The following ZFPM2 variants were observed in gnomAD, a reference collection of about 807,000 sequenced individuals.
ZFPM2 encodes zinc finger protein ZFPM2.
ZFPM2 carries 20 observed loss-of-function variants against 98.6 expected under a neutral mutation model. The ratio of observed to expected loss-of-function variants is 0.20; its 90% confidence interval spans 0.14 to 0.29. The LOEUF (loss-of-function observed/expected upper bound fraction) is 0.29, where lower values mean the gene tolerates loss of function less well. ZFPM2 is among the 10% of genes least tolerant of loss of function. The pLI is 1.00. For synonymous variants in ZFPM2, 518 were observed against 502.7 expected (o/e 1.03, Z -0.41); for missense variants, 1,310 against 1,388.6 (o/e 0.94, Z 0.90).
intron 5 of ZFPM2, among the ~76,000 whole-genome samples, chr8:105,664,225 A>G (rs1339182911): frequency 6.6e-6 from 1 of 152,164 alleles, no homozygotes; most frequent in African/African-American, 2.4e-5. Flanking sequence ...ATAGTGATTC[A>G]CTAAGTTATG....
At chr8:105,679,263 T>C (rs796756314) in intron 5 of ZFPM2, among the ~76,000 whole-genome samples, 1 of 152,310 alleles carries the variant, frequency 6.6e-6, no homozygotes, top group African/African-American at 2.4e-5. Context: ...GCAACATTAG[T>C]TTCCTAATCC....
intron 1 of ZFPM2, among the ~76,000 whole-genome samples, chr8:105,334,336 T>C (rs1464719037): frequency 1.3e-5 from 2 of 151,628 alleles, no homozygotes; most frequent in African/African-American, 2.4e-5. Context: ...TCTCTCTAAT[T>C]CAGACAATAT....
intron 1 of ZFPM2, among the ~76,000 whole-genome samples, chr8:105,362,063 A>ATG (rs978810574): frequency 2.0e-5 from 3 of 151,992 alleles, no homozygotes; most frequent in African/African-American, 7.3e-5. Context: ...TTGCATGTGA[A>ATG]TGTGTGTGTG....
At chr8:105,690,353 T>C (rs1393413707) in intron 5 of ZFPM2, among the ~76,000 whole-genome samples, 3 of 152,230 alleles carry the variant, frequency 2.0e-5, no homozygotes, top group African/African-American at 7.2e-5. Flanking sequence ...GTTATCGTTC[T>C]CACTTAACAA....
At chr8:105,606,570 G>T (rs141224278) in intron 4 of ZFPM2, among the ~76,000 whole-genome samples, 2 of 152,108 alleles carry the variant, frequency 1.3e-5, no homozygotes, top group African/African-American at 4.8e-5. Context: ...AATAGGTTAT[G>T]TATGGAAATT....
At chr8:105,634,463 T>A in intron 5 of ZFPM2, 106 bp downstream of exon 5, 1 of 886,090 alleles carries the variant, frequency 1.1e-6, no homozygotes, top group Non-Finnish European at 1.8e-6. Flanking sequence ...AAATTGATCC[T>A]CTTCCTTTTT....
chr8:105,483,890 C>A (rs9297364), intron 3 of ZFPM2, among the ~76,000 whole-genome samples: 70,844 of 150,878 alleles, frequency 0.47, 17,172 homozygotes, highest in East Asian at 0.64. Flanking sequence ...CCTGCCACCA[C>A]GCCCGGCTAA....
intron 2 of ZFPM2, among the ~76,000 whole-genome samples, chr8:105,432,527 A>G (rs1478758265): frequency 6.6e-6 from 1 of 152,216 alleles, no homozygotes; most frequent in African/African-American, 2.4e-5. Context: ...ATATTCTTAA[A>G]TAAACACGGA....
intron 2 of ZFPM2, among the ~76,000 whole-genome samples, chr8:105,424,955 C>G (rs1280223310): frequency 6.6e-6 from 1 of 152,180 alleles, no homozygotes; most frequent in African/African-American, 2.4e-5. Flanking sequence ...TAATAGTGTG[C>G]ACACACATGC....
chr8:105,774,151 T>C (rs1813044795), intron 5 of ZFPM2, among the ~76,000 whole-genome samples: 1 of 152,112 alleles, frequency 6.6e-6, no homozygotes, highest in Non-Finnish European at 1.5e-5. Flanking sequence ...AGACCCATTG[T>C]TCCCCATTAG....
intron 3 of ZFPM2, among the ~76,000 whole-genome samples, chr8:105,551,208 C>T (rs1051479708): frequency 7.9e-5 from 12 of 152,196 alleles, no homozygotes; most frequent in East Asian, 1.9e-4. Context: ...GAATTTAGTG[C>T]GTGGCACAGT....
In ZFPM2 at chr8:105,760,435, A is replaced by G. The variant is rs536028324; in HGVS notation, c.533-28283A>G. ...ATTTTCAGTCATTATGGACATATCC[A>G]AAGTCTAACTTTTGTAAGTTTCATA... On this transcript the variant is annotated intron_variant, in intron 5 of 7. Transcript: ENST00000407775. Among the ~76,000 whole-genome samples the G allele has an allele frequency of 3.3e-5, 5 of 152,252 alleles. No individual in the cohort carries two copies. The South Asian group carries it at 1.0e-3, about 32-fold the overall frequency.
intron 5 of ZFPM2, among the ~76,000 whole-genome samples, chr8:105,667,809 A>G (rs1402065640): frequency 2.0e-5 from 3 of 152,214 alleles, no homozygotes; most frequent in Non-Finnish European, 4.4e-5. Context: ...TTATAAAAAC[A>G]TTTTATTTGT....
In ZFPM2 at chr8:105,409,200, G is replaced by T. The variant is rs142401329; in HGVS notation, c.41-9944G>T. On this transcript the variant is annotated intron_variant, in intron 1 of 7. Transcript: ENST00000407775. ...AATGCTTTTGCTGTTGGAAGGTTTT[G>T]CTCTTCAGAAGACTCAAACAGCATG... Among the ~76,000 whole-genome samples the T allele has an allele frequency of 2.2e-4, 34 of 151,942 alleles. 1 individual carries two copies. The East Asian group carries it at 6.4e-3, about 29-fold the overall frequency.
At chr8:105,502,356 T>G (rs1208514883) in intron 3 of ZFPM2, among the ~76,000 whole-genome samples, 2 of 152,154 alleles carry the variant, frequency 1.3e-5, no homozygotes, top group East Asian at 3.9e-4. Flanking sequence ...ATGTAGAAAT[T>G]GAAGATAAGC....
At chr8:105,704,435 G>T (rs1811211431) in intron 5 of ZFPM2, among the ~76,000 whole-genome samples, 1 of 152,022 alleles carries the variant, frequency 6.6e-6, no homozygotes, top group Non-Finnish European at 1.5e-5. Flanking sequence ...GAAGTACATG[G>T]TTCTCTCTGT....
At chr8:105,763,463 G>T (rs181458025) in intron 5 of ZFPM2, among the ~76,000 whole-genome samples, 3 of 151,946 alleles carry the variant, frequency 2.0e-5, no homozygotes, top group Admixed American at 1.3e-4. Flanking sequence ...TTTACAATCT[G>T]CCCTAGTTAA....
chr8:105,451,540 A>C (rs1812485377), intron 3 of ZFPM2: 1 of 152,148 alleles, frequency 6.6e-6, no homozygotes, highest in African/African-American at 2.4e-5. Flanking sequence ...ATCCAGTATA[A>C]CTGCTCTTCT....
chr8:105,675,617 C>T (rs1810430751), intron 5 of ZFPM2, among the ~76,000 whole-genome samples: 2 of 152,084 alleles, frequency 1.3e-5, no homozygotes, highest in Non-Finnish European at 1.5e-5. Flanking sequence ...AAAGAAGGGG[C>T]TGCCTCAACC....
Sources: gnomAD v4.1 joint callset for allele counts (sites outside exome capture counted in the v4.1 genomes callset) on GRCh38, gnomAD v4.1.1 for gene constraint, MANE v1.5 for transcripts, NCBI Gene and HGNC (gene_info 2026-07-23, HGNC 2026-07-21) for gene names.